WDHD1: variants seen among roughly 807,000 people sequenced by gnomAD.
WDHD1 encodes the protein WD repeat and HMG-box DNA binding protein 1.
In WDHD1, 111 loss-of-function variants were observed where a neutral mutation model predicts 135.4. The ratio of observed to expected loss-of-function variants is 0.82; its 90% CI spans 0.70 to 0.96. WDHD1 has a LOEUF of 0.96. Among genes scored for constraint, WDHD1 ranks in the 40% least tolerant of loss-of-function variants. The pLI, the probability that WDHD1 is intolerant of heterozygous loss-of-function variation, is 0.00. For synonymous variants in WDHD1, 434 were observed against 439.0 expected, an observed-to-expected ratio of 0.99 and a Z score of 0.14; for missense variants, 1,351 against 1,336.3, an observed-to-expected ratio of 1.01 and a Z score of -0.17.
intron 24 of WDHD1, among the ~76,000 whole-genome samples, chr14:54,951,015 T>C (rs2041042056): frequency 6.6e-6 from 1 of 152,120 alleles, no homozygotes; most frequent in South Asian, 2.1e-4. Context: ...GAGGGAAATT[T>C]ATAGCACTAA....
Position 55,000,657 on chromosome 14 carries a change from A to G in WDHD1, c.801-13T>C. On this transcript the variant is annotated splice_polypyrimidine_tract_variant and intron_variant, in intron 9 of 25. Coordinates refer to ENST00000360586, the MANE Select transcript of WDHD1 (RefSeq NM_007086.4). ...CTCATGTTTCACCCTAAAAATTAAA[A>G]AGTAGGTTCTAAAAATACTGTCAAG... 1 of 1,525,814 alleles carries G rather than the reference A, an allele frequency of 6.6e-7. No homozygotes were observed. The highest frequency in any genetic ancestry group is 8.8e-7 in the Non-Finnish European group (1 of 1,137,310). 94.5% of individuals were successfully genotyped at this position (1,525,814 alleles called of 1,614,324 possible).
chr14:54,952,989 G>C (rs534049366), intron 24 of WDHD1, among the ~76,000 whole-genome samples: 6 of 152,288 alleles, frequency 3.9e-5, no homozygotes, highest in South Asian at 2.1e-4. Context: ...ATGGATTAAA[G>C]ACTTAAATGT....
chr14:55,025,450 C>G (rs1007097287), intron 2 of WDHD1, among the ~76,000 whole-genome samples: 1 of 152,174 alleles, frequency 6.6e-6, no homozygotes. Context: ...CTAAGTCTCT[C>G]GTTCCACCTT....
chr14:54,941,320 A>G lies in WDHD1; in HGVS notation c.*170T>C. On this transcript the variant is annotated 3_prime_UTR_variant, in exon 26 of 26. Coordinates refer to ENST00000360586, the MANE Select transcript of WDHD1 (RefSeq NM_007086.4). ...AATCTGCAAAGATGATAGTTTTTAC[A>G]TATGTCCTGTTACCTACACCAATAT... The G allele has an allele frequency of 2.0e-6, 1 of 507,660 alleles. No homozygotes were observed. The highest frequency in any genetic ancestry group is 3.3e-5 in the East Asian group (1 of 30,482). The allele number at this position is 507,660 out of a possible 1,614,324, so 31.4% of individuals were successfully genotyped here.
At chr14:54,977,638 G>A (rs1160995599) in intron 16 of WDHD1, among the ~76,000 whole-genome samples, 2 of 152,116 alleles carry the variant, frequency 1.3e-5, no homozygotes, top group Non-Finnish European at 2.9e-5. Flanking sequence ...TCTTGTTCAA[G>A]TCCAGCCTGG....
In WDHD1 at chr14:54,941,706, G is replaced by T; in HGVS notation, c.3190-16C>A. 1 of 1,581,214 alleles carries T rather than the reference G, an allele frequency of 6.3e-7. No homozygotes were observed. Among genetic ancestry groups the T allele is most frequent in the Non-Finnish European group, 8.6e-7 (1 of 1,166,712 alleles). On this transcript the variant is annotated splice_polypyrimidine_tract_variant and intron_variant, in intron 25 of 25. Coordinates refer to ENST00000360586, the MANE Select transcript of WDHD1 (RefSeq NM_007086.4). ...TAGCCCACACCTTTGTAAAATGGCA[G>T]GAGTGAAAAGGAAAGATTTTTAGAA... is the stretch of plus-strand genomic sequence containing the variant.
At chr14:54,985,158 T>C (rs17128105) in intron 14 of WDHD1, among the ~76,000 whole-genome samples, 4,353 of 152,194 alleles carry the variant, frequency 0.029, 199 homozygotes, top group African/African-American at 0.099. Flanking sequence ...ATAAACAAAG[T>C]CACCACTCTT....
chr14:54,961,827 C>T (rs564793625), intron 21 of WDHD1, among the ~76,000 whole-genome samples: 2 of 151,768 alleles, frequency 1.3e-5, no homozygotes, highest in Admixed American at 6.6e-5. Flanking sequence ...CTGTACGCAA[C>T]CATTTTCAAC....
At chr14:55,016,078 G>A (rs1000069239) in intron 2 of WDHD1, among the ~76,000 whole-genome samples, 1 of 152,210 alleles carries the variant, frequency 6.6e-6, no homozygotes, top group Admixed American at 6.5e-5. Context: ...GGGACCAATG[G>A]AAAATTATAG....
At chr14:54,963,616 A>G (rs1436804747) in intron 18 of WDHD1, among the ~76,000 whole-genome samples, 1 of 152,138 alleles carries the variant, frequency 6.6e-6, no homozygotes, top group Admixed American at 6.5e-5. Flanking sequence ...CAGCCTGGCC[A>G]ATATGGCAAA....
chr14:55,000,886 C>T lies in WDHD1; in HGVS notation c.800G>A (p.Arg267Lys). 1 of 1,547,212 alleles carries T rather than the reference C, an allele frequency of 6.5e-7. No homozygotes were observed. The highest frequency in any genetic ancestry group is 8.7e-7 in the Non-Finnish European group (1 of 1,148,520). Reference protein sequence around the residue: ...WNVETKDCMERVKHEKGYAIC... With the variant: ...WNVETKDCMEKVKHEKGYAIC... ...AGACAAAAGATACACTAAATCATAC[C>T]TTTCCATGCAGTCTTTGGTTTCCAC... Residue 267 changes from arginine to lysine, a missense_variant and splice_region_variant, in exon 9 of 26, where the codon AGG becomes AAG. By Grantham distance (26) the Arg-to-Lys change is conservative (BLOSUM62 2). This residue lies in a region of WDHD1 where 1,330 missense variants were observed against 1,296.1 expected (regional missense o/e 1.03). Coordinates refer to ENST00000360586, the MANE Select transcript of WDHD1 (RefSeq NM_007086.4).
intron 16 of WDHD1, among the ~76,000 whole-genome samples, chr14:54,979,782 G>A (rs955420670): frequency 3.9e-5 from 6 of 152,138 alleles, no homozygotes; most frequent in East Asian, 1.9e-4. Flanking sequence ...GTTTCTCTCC[G>A]TGAGGTAACT....
intron 24 of WDHD1, among the ~76,000 whole-genome samples, chr14:54,949,391 A>G (rs2040998402): frequency 6.6e-6 from 1 of 152,238 alleles, no homozygotes. Flanking sequence ...CAACTGGAAG[A>G]AAGGGTATCA....
Position 54,991,381 on chromosome 14 carries a change from A to G in WDHD1, c.1173T>C (p.Thr391=). The G allele has an allele frequency of 6.2e-7, 1 of 1,613,940 alleles. No homozygotes were observed. The highest frequency in any genetic ancestry group is 8.5e-7 in the Non-Finnish European group (1 of 1,179,894). The change falls in exon 12 of 26, where the codon ACT becomes ACC. Residue 391 remains threonine, a synonymous_variant. Transcript: ENST00000360586. The stretch of plus-strand genomic sequence containing the variant: ...CCTCCTCTTTGAGAAGACTAGAACC[A>G]GTTTTTAGCATTGAAATATCTACAA... The part of the protein sequence containing the change: ...ENSVDISMLK[T]GSSLLKEEEE...
At chr14:55,002,710 T>C (rs2041997390) in intron 7 of WDHD1, among the ~76,000 whole-genome samples, 1 of 152,044 alleles carries the variant, frequency 6.6e-6, no homozygotes, top group African/African-American at 2.4e-5. Context: ...GGTCAAAGGA[T>C]CCTCCTGCTT....
At position 54,995,651 on chromosome 14, in the gene WDHD1, G is replaced by T; in HGVS notation, c.1105C>A (p.Arg369Ser). 1.2e-6 allele frequency: 2 copies of T among 1,612,830 alleles called. No homozygotes were observed. The highest frequency in any genetic ancestry group is 1.1e-5 in the South Asian group (1 of 90,882). ...AGGATGTGACTTCGCTGTCTAGGAC[G>T]ACCTGAAGCCATCATGAGGTCTTCA... is the stretch of plus-strand genomic sequence containing the variant. Reference protein sequence around the residue: ...DDEDLMMASGRPRQRSHILED... With the variant: ...DDEDLMMASGSPRQRSHILED... The change falls in exon 11 of 26, where the codon CGT becomes AGT. Residue 369 changes from arginine (R) to serine (S), a missense_variant. By Grantham distance (110) the Arg-to-Ser change is moderately radical. This residue lies in a region of WDHD1 where 1,330 missense variants were observed against 1,296.1 expected (regional missense o/e 1.03). Transcript: ENST00000360586.
At chr14:54,952,516 T>G (rs957666349) in intron 24 of WDHD1, among the ~76,000 whole-genome samples, 2 of 152,204 alleles carry the variant, frequency 1.3e-5, no homozygotes, top group African/African-American at 4.8e-5. Context: ...CGGAAGAACA[T>G]TCCACGCTCA....
At position 54,941,600 on chromosome 14, in the gene WDHD1, C is replaced by T. The variant is rs555998154; in HGVS notation, c.3280G>A (p.Glu1094Lys). ...KRVVDESDET[E>K]NQEEKAKENL... is the part of the protein sequence containing the mutation. ...TCTTTTGCTTTTTCTTCCTGGTTTT[C>T]TGTTTCATCACTTTCATCAACCACA... is the stretch of plus-strand genomic sequence containing the variant. The change falls in exon 26 of 26, where the codon GAA becomes AAA. Residue 1094 changes from glutamate to lysine, a missense_variant. Around this residue, in one of 2 missense-constraint regions of WDHD1, gnomAD observed 1,330 missense variants for 1,296.1 expected, o/e 1.03. Coordinates refer to ENST00000360586, the MANE Select transcript of WDHD1 (RefSeq NM_007086.4). The T allele has an allele frequency of 1.9e-6, 3 of 1,613,970 alleles. No homozygotes were observed. The highest frequency in any genetic ancestry group is 1.7e-6 in the Non-Finnish European group (2 of 1,179,932).
At chr14:55,018,866 A>G (rs898926695) in intron 2 of WDHD1, among the ~76,000 whole-genome samples, 1 of 152,100 alleles carries the variant, frequency 6.6e-6, no homozygotes, top group Non-Finnish European at 1.5e-5. Context: ...TCTACTAAAA[A>G]TACTAAATTA....
Sources: gnomAD v4.1 joint callset for allele counts (sites outside exome capture counted in the v4.1 genomes callset) on GRCh38, gnomAD v4.1.1 for gene constraint, gnomAD v4.1.1 regional missense constraint, MANE v1.5 for transcripts, NCBI Gene and HGNC (gene_info 2026-07-23, HGNC 2026-07-21) for gene names.